The following POLR2I variants were observed in gnomAD, a reference collection of about 807,000 sequenced individuals.
POLR2I encodes the protein DNA-directed RNA polymerase II subunit RPB9.
A neutral mutation model predicts 23.0 loss-of-function variants in POLR2I; 15 were observed. The ratio of observed to expected loss-of-function variants is 0.65; its 90% CI spans 0.44 to 1.00. POLR2I has a LOEUF of 1.00. Ranked by LOEUF, POLR2I falls within the 50% of genes least tolerant of loss-of-function variation. POLR2I has a pLI of 0.00. For synonymous variants in POLR2I, 72 were observed against 65.4 expected (o/e 1.10, Z -0.49); for missense variants, 120 against 173.7 (o/e 0.69, Z 1.74).
chr19:36,114,087 T>A lies in POLR2I; in HGVS notation c.264-21A>T. On this transcript the variant is annotated intron_variant, in intron 4 of 5. Transcript: ENST00000221859. This position sits in a 1 kb window ranked among gnomAD's most constrained non-coding sequence, Gnocchi z 4.5. Reference sequence around the variant, plus strand: ...CGCACCTGAGAGGGTAGGGGCTCGGTCACCGGAGGCTTCACACCCTTCCCT... The same window carrying A: ...CGCACCTGAGAGGGTAGGGGCTCGGACACCGGAGGCTTCACACCCTTCCCT... The A allele has an allele frequency of 1.2e-6, 2 of 1,613,770 alleles. No homozygotes were observed. The highest frequency in any genetic ancestry group is 1.7e-6 in the Non-Finnish European group (2 of 1,179,856).
intron 5 of POLR2I, 33 bp from the exon 6 acceptor site, chr19:36,113,850 T>C: frequency 1.2e-6 from 2 of 1,610,628 alleles, no homozygotes; most frequent in Non-Finnish European, 1.7e-6. Context: ...AGGAAGGATT[T>C]GGACCCAGCA....
Position 36,113,826 on chromosome 19 carries a change from A to C in POLR2I, c.316-9T>G. The stretch of plus-strand genomic sequence containing the variant: ...TAAAGGCGCATGGCGTCCTGGCAGA[A>C]ATGATGCATGGTTAGGAAGGATTTG... On this transcript the variant is annotated splice_polypyrimidine_tract_variant and intron_variant, in intron 5 of 5. Transcript: ENST00000221859. 6.2e-7 allele frequency: 1 copy of C among 1,612,004 alleles called. No homozygotes were observed. Among genetic ancestry groups the C allele is most frequent in the South Asian group, 1.1e-5 (1 of 90,990 alleles).
In POLR2I at chr19:36,114,085, G is replaced by C. The variant is rs373777567; in HGVS notation, c.264-19C>G. The C allele has an allele frequency of 1.2e-6, 2 of 1,613,662 alleles. No individual in the cohort carries two copies. Among genetic ancestry groups the C allele is most frequent in the Non-Finnish European group, 1.7e-6 (2 of 1,179,856 alleles). ...GCCGCACCTGAGAGGGTAGGGGCTC[G>C]GTCACCGGAGGCTTCACACCCTTCC... On this transcript the variant is annotated intron_variant, in intron 4 of 5. Coordinates refer to ENST00000221859, the MANE Select transcript of POLR2I (RefSeq NM_006233.5). The surrounding 1 kb of genome is among the most constrained non-coding windows in gnomAD (Gnocchi z 4.5).
At position 36,113,743 on chromosome 19, in the gene POLR2I, GGAGA is replaced by G. The variant is rs1568379856; in HGVS notation, c.*8_*11del. 2 of 1,613,166 alleles carry G rather than the reference GGAGA, an allele frequency of 1.2e-6. No individual in the cohort carries two copies. Among genetic ancestry groups the G allele is most frequent in the South Asian group, 2.2e-5 (2 of 90,920 alleles). ...GAATCTGGTGTTTATTACACTCGGGGGAGAGAGGAGGTCACTCGGTCCAGCGGTG... is the reference window on the plus strand; with the variant it reads ...GAATCTGGTGTTTATTACACTCGGGGGAGGAGGTCACTCGGTCCAGCGGTG... On this transcript the variant is annotated 3_prime_UTR_variant, in exon 6 of 6. Coordinates refer to ENST00000221859, the MANE Select transcript of POLR2I (RefSeq NM_006233.5).
At chr19:36,113,954 C>T in intron 5 of POLR2I, 61 bp downstream of exon 5, 1 of 1,594,872 alleles carries the variant, frequency 6.3e-7, no homozygotes, top group Non-Finnish European at 8.6e-7. Context: ...ACATTGATAT[C>T]CCCGCCCCCA....
chr19:36,114,404 G>A lies in POLR2I; in HGVS notation c.123C>T (p.Asn41=). The A allele has an allele frequency of 3.7e-6, 6 of 1,613,944 alleles. No individual in the cohort carries two copies. Among genetic ancestry groups the A allele is most frequent in the Middle Eastern group, 3.3e-4 (2 of 6,060 alleles). The change falls in exon 3 of 6, where the codon AAC becomes AAT. Residue 41 remains asparagine, a synonymous_variant. Transcript: ENST00000221859. The surrounding 1 kb of genome is among the most constrained non-coding windows in gnomAD (Gnocchi z 4.5). ...ENRILLYACR[N]CDYQQEADNS... is the part of the protein sequence containing the mutation. ...TGTCGGCCTCCTGCTGGTAATCACA[G>A]TTCCGGCACTACGAGAGGGCGAGTG...
rs1290650749 is a variant in POLR2I, at chr19:36,113,734, A to G, written c.*21T>C. 3.7e-6 allele frequency: 6 copies of G among 1,611,680 alleles called. No individual in the cohort carries two copies. In the African/African-American group the frequency reaches 6.7e-5, roughly 18 times the overall value. Reference sequence around the variant, plus strand: ...TCACGCATGGAATCTGGTGTTTATTACACTCGGGGGAGAGAGGAGGTCACT... The same window carrying G: ...TCACGCATGGAATCTGGTGTTTATTGCACTCGGGGGAGAGAGGAGGTCACT... On this transcript the variant is annotated 3_prime_UTR_variant, in exon 6 of 6. Coordinates refer to ENST00000221859, the MANE Select transcript of POLR2I (RefSeq NM_006233.5).
In POLR2I at chr19:36,114,574, C is replaced by A. The variant is rs1401636990; in HGVS notation, c.114+85G>T. The A allele has an allele frequency of 3.6e-6, 5 of 1,395,834 alleles. No individual in the cohort carries two copies. The African/African-American group carries it at 7.0e-5, about 20-fold the overall frequency. 86.5% of individuals were successfully genotyped at this position (1,395,834 alleles called of 1,614,324 possible). On this transcript the variant is annotated intron_variant, in intron 2 of 5. Coordinates refer to ENST00000221859, the MANE Select transcript of POLR2I (RefSeq NM_006233.5). The surrounding 1 kb of genome is among the most constrained non-coding windows in gnomAD (Gnocchi z 4.5). ...CACTTGAGGTGCAGCGGAGGGCGAA[C>A]AGGGAGTCCGATCACAGAGGCAGGG...
Position 36,114,842 on chromosome 19 carries a change from C to A in POLR2I, c.15G>T (p.Gly5=). The change falls in exon 1 of 6, where the codon GGG becomes GGT. Residue 5 remains glycine (G), a synonymous_variant. Coordinates refer to ENST00000221859, the MANE Select transcript of POLR2I (RefSeq NM_006233.5). This position sits in a 1 kb window ranked among gnomAD's most constrained non-coding sequence, Gnocchi z 4.5. The part of the protein sequence containing the change: MEPD[G]TYEPGFVGIR... The stretch of plus-strand genomic sequence containing the variant: ...TACCCACGAAGCCCGGCTCGTAAGT[C>A]CCGTCGGGCTCCATGGCGACGCGCA... 2 of 1,613,920 alleles carry A rather than the reference C, an allele frequency of 1.2e-6. No homozygotes were observed. The highest frequency in any genetic ancestry group is 1.7e-6 in the Non-Finnish European group (2 of 1,180,014).
rs1973886159 is a variant in POLR2I at position 36,113,732 on chromosome 19, T to C, written c.*23A>G. On this transcript the variant is annotated 3_prime_UTR_variant, in exon 6 of 6. Coordinates refer to ENST00000221859, the MANE Select transcript of POLR2I (RefSeq NM_006233.5). Reference sequence around the variant, plus strand: ...ACTCACGCATGGAATCTGGTGTTTATTACACTCGGGGGAGAGAGGAGGTCA... The same window carrying C: ...ACTCACGCATGGAATCTGGTGTTTACTACACTCGGGGGAGAGAGGAGGTCA... 3 of 1,611,428 alleles carry C rather than the reference T, an allele frequency of 1.9e-6. No individual in the cohort carries two copies. The highest frequency in any genetic ancestry group is 2.5e-6 in the Non-Finnish European group (3 of 1,178,840).
intron 5 of POLR2I, 84 bp from the exon 6 acceptor site, chr19:36,113,901 T>C (rs147357335): frequency 6.6e-5 from 104 of 1,577,306 alleles, no homozygotes; most frequent in Non-Finnish European, 8.1e-5. Flanking sequence ...ACTTCACCAA[T>C]AGGTAAGGGC....
In POLR2I at chr19:36,113,779, G is replaced by A. The variant is rs763948769; in HGVS notation, c.354C>T (p.His118=). ...MRLYYVCTAP[H]CGHRWTE is the part of the protein sequence containing the mutation. ...GTCACTCGGTCCAGCGGTGGCCGCA[G>A]TGTGGGGCTGTGCACACGTAGTAAA... The change falls in exon 6 of 6, where the codon CAC becomes CAT. Residue 118 remains histidine (H), a synonymous_variant. Coordinates refer to ENST00000221859, the MANE Select transcript of POLR2I (RefSeq NM_006233.5). 1 of 1,613,316 alleles carries A rather than the reference G, an allele frequency of 6.2e-7. No homozygotes were observed. Among genetic ancestry groups the A allele is most frequent in the East Asian group, 2.2e-5 (1 of 44,884 alleles).
chr19:36,113,926 A>G (rs1465872967), intron 5 of POLR2I, 89 bp downstream of exon 5: 1 of 1,580,946 alleles, frequency 6.3e-7, no homozygotes, highest in African/African-American at 1.3e-5. Flanking sequence ...CAGAGTTCCA[A>G]GAAGCGCAGG....
rs369336555 is a variant in POLR2I at position 36,113,785 on chromosome 19, G to A, written c.348C>T (p.Ala116=). Residue 116 remains alanine (A), a synonymous_variant, in exon 6 of 6, where the codon GCC becomes GCT. Coordinates refer to ENST00000221859, the MANE Select transcript of POLR2I (RefSeq NM_006233.5). ...CGGTCCAGCGGTGGCCGCAGTGTGGGGCTGTGCACACGTAGTAAAGGCGCA... is the reference window on the plus strand; with the variant it reads ...CGGTCCAGCGGTGGCCGCAGTGTGGAGCTGTGCACACGTAGTAAAGGCGCA... The part of the protein sequence containing the change: ...DAMRLYYVCT[A]PHCGHRWTE 21 of 1,613,340 alleles carry A rather than the reference G, an allele frequency of 1.3e-5. No homozygotes were observed. The highest frequency in any genetic ancestry group is 2.2e-5 in the South Asian group (2 of 91,038).
chr19:36,114,174 C>T lies in POLR2I; in HGVS notation c.263+3G>A, dbSNP rs769502265. 1.2e-6 allele frequency: 2 copies of T among 1,614,026 alleles called. No individual in the cohort carries two copies. ...ACCTCCCCAGTACCAGCTGAACGCT[C>T]ACTTTTGGCACGGGTGGTCCTCGGT... is the stretch of plus-strand genomic sequence containing the variant. On this transcript the variant is annotated splice_donor_region_variant and intron_variant, in intron 4 of 5. Transcript: ENST00000221859. The surrounding 1 kb of genome is among the most constrained non-coding windows in gnomAD (Gnocchi z 4.5).
At position 36,113,831 on chromosome 19, in the gene POLR2I, T is replaced by C; in HGVS notation, c.316-14A>G. On this transcript the variant is annotated splice_polypyrimidine_tract_variant and intron_variant, in intron 5 of 5. Coordinates refer to ENST00000221859, the MANE Select transcript of POLR2I (RefSeq NM_006233.5). The stretch of plus-strand genomic sequence containing the variant: ...GCGCATGGCGTCCTGGCAGAAATGA[T>C]GCATGGTTAGGAAGGATTTGGACCC... 2 of 1,611,874 alleles carry C rather than the reference T, an allele frequency of 1.2e-6. No homozygotes were observed. Among genetic ancestry groups the C allele is most frequent in the South Asian group, 1.1e-5 (1 of 91,002 alleles).
Position 36,114,250 on chromosome 19 carries a change from C to A in POLR2I, c.190G>T (p.Glu64Ter). ...YVNKITHEVD[E>*]LTQIIADVSQ... is the part of the protein sequence containing the mutation. ...ACGTCGGCGATAATCTGGGTCAGTTCGCTGCAGGGACGCGGGGGTGCAAAA... is the reference window on the plus strand; with the variant it reads ...ACGTCGGCGATAATCTGGGTCAGTTAGCTGCAGGGACGCGGGGGTGCAAAA... The change falls in exon 4 of 6, where the codon GAA (glutamate) becomes TAA (stop). Residue 64 changes from glutamate to a stop codon, truncating the protein, a stop_gained and splice_region_variant. Coordinates refer to ENST00000221859, the MANE Select transcript of POLR2I (RefSeq NM_006233.5). LOFTEE classifies it high-confidence loss of function. The surrounding 1 kb of genome is among the most constrained non-coding windows in gnomAD (Gnocchi z 4.5). 3 of 1,613,940 alleles carry A rather than the reference C, an allele frequency of 1.9e-6. No homozygotes were observed. Among genetic ancestry groups the A allele is most frequent in the Non-Finnish European group, 2.5e-6 (3 of 1,179,950 alleles).
In POLR2I at chr19:36,114,501, TGAC is replaced by T; in HGVS notation, c.115-92_115-90del. ...GAGGGCAGGGTGATCCCGGAGGATA[TGAC>T]GACAGGACTCTCTTTGGGGATGGGC... On this transcript the variant is annotated intron_variant, in intron 2 of 5. Coordinates refer to ENST00000221859, the MANE Select transcript of POLR2I (RefSeq NM_006233.5). The surrounding 1 kb of genome is among the most constrained non-coding windows in gnomAD (Gnocchi z 4.5). 1 of 1,380,518 alleles carries T rather than the reference TGAC, an allele frequency of 7.2e-7. No homozygotes were observed. Among genetic ancestry groups the T allele is most frequent in the South Asian group, 1.2e-5 (1 of 86,086 alleles). 85.5% of individuals were successfully genotyped at this position (1,380,518 alleles called of 1,614,324 possible). A position where few individuals can be genotyped will look rare whatever the true frequency, so the allele number is the denominator to read the frequency against.
rs372008072 is a variant in POLR2I at position 36,113,727 on chromosome 19, G to A, written c.*28C>T. The A allele has an allele frequency of 3.7e-6, 6 of 1,610,124 alleles. No individual in the cohort carries two copies. Among genetic ancestry groups the A allele is most frequent in the Non-Finnish European group, 4.2e-6 (5 of 1,178,230 alleles). The stretch of plus-strand genomic sequence containing the variant: ...AGAAAACTCACGCATGGAATCTGGT[G>A]TTTATTACACTCGGGGGAGAGAGGA... On this transcript the variant is annotated 3_prime_UTR_variant, in exon 6 of 6. Coordinates refer to ENST00000221859, the MANE Select transcript of POLR2I (RefSeq NM_006233.5).
Sources: allele counts gnomAD v4.1 joint callset, GRCh38; gene constraint gnomAD v4.1.1; non-coding constraint Gnocchi (gnomAD v3.1); transcripts MANE v1.5; gene names NCBI Gene and HGNC (gene_info 2026-07-23, HGNC 2026-07-21).